LHX1: variants seen among roughly 807,000 people sequenced by gnomAD.
The protein encoded by LHX1 is LIM homeobox 1, also known as LIM/homeobox protein Lhx1.
LHX1 carries 9 observed loss-of-function variants against 34.1 expected under a neutral mutation model. That is an observed-to-expected ratio of 0.26 (90% CI 0.16 to 0.46). The LOEUF (loss-of-function observed/expected upper bound fraction) is 0.46, where lower values mean the gene tolerates loss of function less well. Ranked by LOEUF, LHX1 falls within the 20% of genes least tolerant of loss-of-function variation. LHX1 has a pLI of 1.00. For synonymous variants in LHX1, 254 were observed against 241.5 expected, an observed-to-expected ratio of 1.05 and a Z score of -0.48; for missense variants, 446 against 559.1, an observed-to-expected ratio of 0.80 and a Z score of 2.04.
chr17:36,937,312 G>C (rs1394661658), upstream of LHX1: 1 of 411,554 alleles, frequency 2.4e-6, no homozygotes, highest in South Asian at 1.7e-5. Context: ...CTGAGGACAC[G>C]GAGGCCGCCA....
intron 3 of LHX1, among the ~76,000 whole-genome samples, chr17:36,941,773 T>C (rs1241046895): frequency 6.6e-6 from 1 of 152,156 alleles, no homozygotes; most frequent in Non-Finnish European, 1.5e-5. Context: ...TTTGGTATCA[T>C]AGGCTGTTTC....
Position 36,937,922 on chromosome 17 carries a change from T to C in LHX1, c.-276T>C. On this transcript the variant is annotated 5_prime_UTR_variant, in exon 1 of 5. Transcript: ENST00000614239. Reference sequence around the variant, plus strand: ...CATTCTCTCCCGCCTGAGACTTCTTTTCCTCGCCCCGGGAGCTCAGGCGGC... The same window carrying C: ...CATTCTCTCCCGCCTGAGACTTCTTCTCCTCGCCCCGGGAGCTCAGGCGGC... 1.7e-6 allele frequency: 1 copy of C among 600,024 alleles called. No homozygotes were observed. The highest frequency in any genetic ancestry group is 3.0e-6 in the Non-Finnish European group (1 of 330,040). 37.2% of individuals were successfully genotyped at this position (600,024 alleles called of 1,614,324 possible). A position where few individuals can be genotyped will look rare whatever the true frequency, so the allele number is the denominator to read the frequency against.
In LHX1 at chr17:36,942,818, C is replaced by T; in HGVS notation, c.908C>T (p.Ser303Leu). 1 of 1,561,088 alleles carries T rather than the reference C, an allele frequency of 6.4e-7. No homozygotes were observed. The highest frequency in any genetic ancestry group is 8.7e-7 in the Non-Finnish European group (1 of 1,149,620). Reference sequence around the variant, plus strand: ...TTCTTCCCGCAAGGCCCCCCGTCCTCGCAGGCCCAGACACCAGTGGACCTA... The same window carrying T: ...TTCTTCCCGCAAGGCCCCCCGTCCTTGCAGGCCCAGACACCAGTGGACCTA... Reference protein sequence around the residue: ...YDFFPQGPPSSQAQTPVDLPF... With the variant: ...YDFFPQGPPSLQAQTPVDLPF... Residue 303 changes from serine (S) to leucine (L), a missense_variant, in exon 5 of 5, where the codon TCG becomes TTG. Physicochemically the swap from Ser to Leu is moderately radical, Grantham distance 145. This residue lies in a region of LHX1 where 235 missense variants were observed against 224.4 expected (regional missense o/e 1.05). Coordinates refer to ENST00000614239, the MANE Select transcript of LHX1 (RefSeq NM_005568.5).
At chr17:36,938,418 C>T (rs1323192105) in intron 1 of LHX1, 51 bp downstream of exon 1, 4 of 1,573,294 alleles carry the variant, frequency 2.5e-6, no homozygotes, top group African/African-American at 1.4e-5. Context: ...CGGGCCCTTC[C>T]CGGCCAGCTT....
rs1317934057 is a variant in LHX1, at chr17:36,940,530, T to A, written c.397+14T>A. 6.2e-7 allele frequency: 1 copy of A among 1,613,730 alleles called. No homozygotes were observed. Among genetic ancestry groups the A allele is most frequent in the South Asian group, 1.1e-5 (1 of 91,082 alleles). On this transcript the variant is annotated intron_variant, in intron 2 of 4. Transcript: ENST00000614239. ...GCCTTCACTCGGGTGAGGCCCCAATTCCTGGCTGGCTAGGTGCAAGCGGGT... is the reference window on the plus strand; with the variant it reads ...GCCTTCACTCGGGTGAGGCCCCAATACCTGGCTGGCTAGGTGCAAGCGGGT...
At chr17:36,942,635 C>G (rs1003579277) in intron 4 of LHX1, 117 bp from the exon 5 acceptor site, 122 of 1,203,148 alleles carry the variant, frequency 1.0e-4, no homozygotes, top group Non-Finnish European at 1.3e-4. Flanking sequence ...TCCCCGCGAT[C>G]CGCGAGTTCC....
At chr17:36,941,090 C>T (rs2070762304) in intron 3 of LHX1, 1 of 835,374 alleles carries the variant, frequency 1.2e-6, no homozygotes, top group Non-Finnish European at 2.0e-6. Context: ...CCCAGCCCAA[C>T]AGAGGTGATC....
In LHX1 at chr17:36,940,616, C is replaced by G. The variant is rs768202356; in HGVS notation, c.404C>G (p.Thr135Arg). 2.5e-6 allele frequency: 4 copies of G among 1,613,860 alleles called. No homozygotes were observed. Among genetic ancestry groups the G allele is most frequent in the Non-Finnish European group, 3.4e-6 (4 of 1,180,036 alleles). ...TCTGTCCTTTCCCTCTTAGCCACCA[C>G]GGGCAGTGACCCCAGTTTGTCTCCG... ...AKENSLHSAT[T>R]GSDPSLSPDS... Residue 135 changes from threonine to arginine, a missense_variant, in exon 3 of 5, where the codon ACG becomes AGG. Around this residue, in one of 3 missense-constraint regions of LHX1, gnomAD observed 168 missense variants for 226.6 expected, o/e 0.74. Coordinates refer to ENST00000614239, the MANE Select transcript of LHX1 (RefSeq NM_005568.5).
intron 4 of LHX1, 74 bp from the exon 5 acceptor site, chr17:36,942,678 G>T: frequency 7.1e-7 from 1 of 1,399,450 alleles, no homozygotes; most frequent in Non-Finnish European, 9.4e-7. Context: ...CCGAGGTCGC[G>T]TCTTCCCTCC....
chr17:36,940,258 C>CCCCGGGG, intron 1 of LHX1, 32 bp from the exon 2 acceptor site: 1 of 528,908 alleles, frequency 1.9e-6, no homozygotes, highest in Non-Finnish European at 3.3e-6. Flanking sequence ...GACCCATCCC[C>CCCCGGGG]GCCCCCGCCC....
chr17:36,941,563 G>A (rs1046339172), intron 3 of LHX1: 16 of 246,386 alleles, frequency 6.5e-5, no homozygotes, highest in African/African-American at 3.6e-4. Context: ...GTGGCTGTGG[G>A]TGGATGTACC....
At position 36,943,512 on chromosome 17, in the gene LHX1, G is replaced by GC. The variant is rs770615386; in HGVS notation, c.*383dup. The GC allele has an allele frequency of 1.2e-4, 25 of 202,442 alleles. No homozygotes were observed. The highest frequency in any genetic ancestry group is 2.3e-4 in the Non-Finnish European group (23 of 101,278). The allele number at this position is 202,442 out of a possible 1,614,324, so 12.5% of individuals were successfully genotyped here. On this transcript the variant is annotated 3_prime_UTR_variant, in exon 5 of 5. Transcript: ENST00000614239. ...CGCACAGCCGTTGGCGATGCCAGGA[G>GC]CCGTGGGGAGGGAGGCCGTGAGCAC...
Position 36,942,984 on chromosome 17 carries a change from G to A in LHX1, c.1074G>A (p.Glu358=), listed in dbSNP as rs145489633. 53 of 1,611,220 alleles carry A rather than the reference G, an allele frequency of 3.3e-5. 1 individual carries two copies. The Middle Eastern group carries it at 1.2e-3, about 35-fold the overall frequency. Residue 358 remains glutamate, a synonymous_variant, in exon 5 of 5, where the codon GAG becomes GAA. Coordinates refer to ENST00000614239, the MANE Select transcript of LHX1 (RefSeq NM_005568.5). ...AHPPGDSPSP[E]PSLPGPLHSM... is the part of the protein sequence containing the mutation. ...CACCCGGGGACTCGCCCAGCCCCGA[G>A]CCCAGCCTGCCCGGGCCTCTGCACT...
chr17:36,942,238 G>A lies in LHX1; in HGVS notation c.714G>A (p.Met238Ile). The change falls in exon 4 of 5, where the codon ATG becomes ATA. Residue 238 changes from methionine (M) to isoleucine (I), a missense_variant. This residue lies in a region of LHX1 where 43 missense variants were observed against 108.0 expected (regional missense o/e 0.40). Coordinates refer to ENST00000614239, the MANE Select transcript of LHX1 (RefSeq NM_005568.5). ...FQNRRSKERR[M>I]KQLSALGARR... ...ACCGGCGCTCCAAGGAGCGGAGGAT[G>A]AAGCAGCTGAGCGCCCTGGGCGCCC... is the stretch of plus-strand genomic sequence containing the variant. 6.2e-7 allele frequency: 1 copy of A among 1,602,008 alleles called. No individual in the cohort carries two copies. Among genetic ancestry groups the A allele is most frequent in the South Asian group, 1.1e-5 (1 of 89,344 alleles).
Position 36,941,729 on chromosome 17 carries a change from G to A in LHX1, c.676-471G>A, listed in dbSNP as rs1318210763. Among the ~76,000 whole-genome samples, 3 of 152,238 alleles carry A rather than the reference G, an allele frequency of 2.0e-5. No individual in the cohort carries two copies. In the East Asian group the frequency reaches 5.8e-4, roughly 29 times the overall value. Reference sequence around the variant, plus strand: ...TGGATAAGTATGTTTGGCACTGTGAGATTGTACATGGGTGTGAAAAGGAGA... The same window carrying A: ...TGGATAAGTATGTTTGGCACTGTGAAATTGTACATGGGTGTGAAAAGGAGA... On this transcript the variant is annotated intron_variant, in intron 3 of 4. Coordinates refer to ENST00000614239, the MANE Select transcript of LHX1 (RefSeq NM_005568.5).
intron 4 of LHX1, among the ~76,000 whole-genome samples, 188 bp downstream of exon 4, chr17:36,942,553 CG>C (rs2142185279): frequency 6.6e-6 from 1 of 152,292 alleles, no homozygotes; most frequent in South Asian, 2.1e-4. Flanking sequence ...CCCTGAATAA[CG>C]GGGGTAGCTG....
intron 3 of LHX1, 57 bp downstream of exon 3, chr17:36,940,944 CCCAGGCCGAG>C: frequency 6.5e-7 from 1 of 1,540,558 alleles, no homozygotes; most frequent in Non-Finnish European, 8.7e-7. Flanking sequence ...ACTTTGGGCA[CCCAGGCCGAG>C]CCAGGAGAGC....
chr17:36,939,843 G>A (rs565050196), intron 1 of LHX1, among the ~76,000 whole-genome samples: 23 of 152,400 alleles, frequency 1.5e-4, no homozygotes, highest in African/African-American at 4.8e-4. Flanking sequence ...GAGAAAAGCG[G>A]CGCTCCGCGC....
rs199890217 is a variant in LHX1, at chr17:36,940,290, G to A, written c.171G>A (p.Arg57=). The A allele has an allele frequency of 1.1e-5, 4 of 378,162 alleles. No individual in the cohort carries two copies. The East Asian group carries it at 3.6e-4, about 34-fold the overall frequency. 23.4% of individuals were successfully genotyped at this position (378,162 alleles called of 1,614,324 possible). The change falls in exon 2 of 5, where the codon CGG becomes CGA. Residue 57 remains arginine (R), a splice_region_variant and synonymous_variant. Coordinates refer to ENST00000614239, the MANE Select transcript of LHX1 (RefSeq NM_005568.5). ...GKLYCKNDFF[R]CFGTKCAGCA... is the part of the protein sequence containing the mutation. ...GCCCCCCACCCCCACCCCCCCGCAG[G>A]TGTTTCGGTACCAAATGCGCAGGCT... is the stretch of plus-strand genomic sequence containing the variant.
Sources: gnomAD v4.1 joint callset for allele counts (sites outside exome capture counted in the v4.1 genomes callset) on GRCh38, gnomAD v4.1.1 for gene constraint, gnomAD v4.1.1 regional missense constraint, MANE v1.5 for transcripts, NCBI Gene and HGNC (gene_info 2026-07-23, HGNC 2026-07-21) for gene names.